FAM171A1: variants seen among roughly 807,000 people sequenced by gnomAD.
The protein encoded by FAM171A1 is family with sequence similarity 171 member A1, also known as protein FAM171A1.
Under a neutral mutation model 74.9 loss-of-function variants are expected in FAM171A1, and 23 were observed. The observed-to-expected ratio is 0.31, with a 90% CI of 0.22 to 0.44. The LOEUF (loss-of-function observed/expected upper bound fraction) is 0.44. Ranked by LOEUF, FAM171A1 falls within the 20% of genes least tolerant of loss-of-function variation. FAM171A1 has a pLI of 1.00. For synonymous variants in FAM171A1, 527 were observed against 505.7 expected (o/e 1.04, Z -0.57); for missense variants, 1,162 against 1,159.2 (o/e 1.00, Z -0.03).
intron 3 of FAM171A1, among the ~76,000 whole-genome samples, chr10:15,256,448 AG>A (rs1050405805): frequency 7.9e-5 from 12 of 152,180 alleles, no homozygotes; most frequent in African/African-American, 2.9e-4. Context: ...AGACTTCTCC[AG>A]GGGCTGGTTC....
At chr10:15,265,941 T>C (rs1834734575) in intron 3 of FAM171A1, among the ~76,000 whole-genome samples, 1 of 152,098 alleles carries the variant, frequency 6.6e-6, no homozygotes, top group African/African-American at 2.4e-5. Context: ...GGTGAGGACC[T>C]GTGGCTCCAA....
chr10:15,347,711 C>T (rs1261128311), intron 1 of FAM171A1, among the ~76,000 whole-genome samples: 1 of 151,636 alleles, frequency 6.6e-6, no homozygotes, highest in Admixed American at 6.6e-5. Flanking sequence ...TGGTGCGCAC[C>T]TGTAGTCTCA....
intron 1 of FAM171A1, among the ~76,000 whole-genome samples, chr10:15,292,209 G>T (rs540366199): frequency 3.3e-5 from 5 of 152,066 alleles, no homozygotes; most frequent in Non-Finnish European, 5.9e-5. Context: ...CCTCCCAAAA[G>T]ACCCCACCTC....
At chr10:15,316,111 C>A (rs1433798172) in intron 1 of FAM171A1, among the ~76,000 whole-genome samples, 1 of 152,172 alleles carries the variant, frequency 6.6e-6, no homozygotes, top group Non-Finnish European at 1.5e-5. Context: ...GATAACTTAC[C>A]CTTTCATCTT....
chr10:15,222,838 A>G (rs1834056054), intron 5 of FAM171A1, among the ~76,000 whole-genome samples: 1 of 152,250 alleles, frequency 6.6e-6, no homozygotes, highest in Non-Finnish European at 1.5e-5. Flanking sequence ...AGGGCTCGGC[A>G]TCTCCCCCTT....
intron 1 of FAM171A1, among the ~76,000 whole-genome samples, chr10:15,339,695 T>G (rs1348736304): frequency 6.6e-6 from 1 of 152,176 alleles, no homozygotes; most frequent in Non-Finnish European, 1.5e-5. Context: ...CCCCTTTCCC[T>G]TCCCACCTTT....
intron 1 of FAM171A1, among the ~76,000 whole-genome samples, chr10:15,341,743 T>A (rs933744189): frequency 1.3e-5 from 2 of 152,184 alleles, no homozygotes; most frequent in African/African-American, 4.8e-5. Flanking sequence ...ACCTGGGACT[T>A]CTGAGGATGC....
At chr10:15,272,281 C>T (rs1257040286) in intron 3 of FAM171A1, among the ~76,000 whole-genome samples, 4 of 152,042 alleles carry the variant, frequency 2.6e-5, no homozygotes, top group African/African-American at 9.7e-5. Context: ...CAACAAAGAT[C>T]AAAAGAGACA....
At chr10:15,251,117 G>A (rs1223281498) in intron 4 of FAM171A1, among the ~76,000 whole-genome samples, 1 of 152,144 alleles carries the variant, frequency 6.6e-6, no homozygotes, top group Non-Finnish European at 1.5e-5. Context: ...AAGGAGGGTA[G>A]ACTAGATGCC....
chr10:15,248,893 G>C, intron 4 of FAM171A1, 78 bp from the exon 5 acceptor site: 1 of 1,372,626 alleles, frequency 7.3e-7, no homozygotes, highest in Non-Finnish European at 9.8e-7. Context: ...CAAAAAAATA[G>C]TCGCAGCTAC....
At chr10:15,284,585 G>A (rs1250921363) in intron 1 of FAM171A1, among the ~76,000 whole-genome samples, 2 of 152,160 alleles carry the variant, frequency 1.3e-5, no homozygotes, top group Non-Finnish European at 2.9e-5. Context: ...ACCACACTGA[G>A]CTAATTTTTG....
intron 3 of FAM171A1, among the ~76,000 whole-genome samples, chr10:15,265,716 C>T (rs994127273): frequency 1.7e-4 from 26 of 151,156 alleles, no homozygotes; most frequent in African/African-American, 5.8e-4. Context: ...TGGGTGTCTA[C>T]CATTGGCAGG....
At chr10:15,288,557 A>T (rs2131814424) in intron 1 of FAM171A1, among the ~76,000 whole-genome samples, 1 of 152,326 alleles carries the variant, frequency 6.6e-6, no homozygotes, top group South Asian at 2.1e-4. Flanking sequence ...AACATTTACT[A>T]ACAATTGGGA....
intron 1 of FAM171A1, among the ~76,000 whole-genome samples, chr10:15,320,018 T>A (rs1003269053): frequency 6.6e-6 from 1 of 152,200 alleles, no homozygotes; most frequent in Admixed American, 6.5e-5. Flanking sequence ...AAACTGCATG[T>A]TACATGAGTA....
chr10:15,320,181 T>G (rs886624306), intron 1 of FAM171A1, among the ~76,000 whole-genome samples: 1 of 152,208 alleles, frequency 6.6e-6, no homozygotes, highest in African/African-American at 2.4e-5. Flanking sequence ...TGTCCATGTA[T>G]ACTCAGTGTT....
At chr10:15,339,949 T>C (rs528193878) in intron 1 of FAM171A1, among the ~76,000 whole-genome samples, 3 of 152,050 alleles carry the variant, frequency 2.0e-5, no homozygotes, top group African/African-American at 7.2e-5. Flanking sequence ...TATAAAACCA[T>C]CAGATCTCGT....
intron 1 of FAM171A1, among the ~76,000 whole-genome samples, chr10:15,366,727 A>G (rs1339291440): frequency 6.6e-6 from 1 of 152,258 alleles, no homozygotes; most frequent in African/African-American, 2.4e-5. Flanking sequence ...ACAGCATTAT[A>G]CATACCTGCT....
At chr10:15,230,299 A>G (rs1834188827) in intron 5 of FAM171A1, among the ~76,000 whole-genome samples, 2 of 152,206 alleles carry the variant, frequency 1.3e-5, no homozygotes, top group African/African-American at 2.4e-5. Flanking sequence ...TTGTTTTTCC[A>G]TGAAATATGT....
chr10:15,359,474 GC>G (rs1835968699), intron 1 of FAM171A1, among the ~76,000 whole-genome samples: 1 of 152,098 alleles, frequency 6.6e-6, no homozygotes, highest in Non-Finnish European at 1.5e-5. Flanking sequence ...ATCCTCAAGG[GC>G]AGAGAAATGG....
Sources: gnomAD v4.1 joint callset for allele counts (sites outside exome capture counted in the v4.1 genomes callset) on GRCh38, gnomAD v4.1.1 for gene constraint, MANE v1.5 for transcripts, NCBI Gene and HGNC (gene_info 2026-07-23, HGNC 2026-07-21) for gene names.